Variants in NPAS3 observed in about 807,000 individuals in gnomAD.
NPAS3 encodes the protein neuronal PAS domain-containing protein 3.
In NPAS3, 14 loss-of-function variants were observed where a neutral mutation model predicts 73.1. The ratio of observed to expected loss-of-function variants is 0.19; its 90% CI spans 0.13 to 0.30. The LOEUF (loss-of-function observed/expected upper bound fraction) is 0.30. Ranked by LOEUF, NPAS3 falls within the 10% of genes least tolerant of loss-of-function variation. The pLI is 1.00. For missense variants in NPAS3, 1,096 were observed against 1,250.0 expected, an observed-to-expected ratio of 0.88 and a Z score of 1.86; for synonymous variants, 620 against 541.5, an observed-to-expected ratio of 1.14 and a Z score of -2.01.
At chr14:32,992,368 G>A (rs1271836865) in intron 1 of NPAS3, among the ~76,000 whole-genome samples, 1 of 152,186 alleles carries the variant, frequency 6.6e-6, no homozygotes. Context: ...TTTCTGTTCC[G>A]ATATGTTCTA....
intron 5 of NPAS3, among the ~76,000 whole-genome samples, chr14:33,659,769 A>T (rs970360260): frequency 4.6e-5 from 7 of 152,176 alleles, no homozygotes; most frequent in African/African-American, 1.7e-4. Flanking sequence ...ATAATGACTC[A>T]TTAGTGACTT....
intron 3 of NPAS3, among the ~76,000 whole-genome samples, chr14:33,297,601 TAAA>T (rs1412864210): frequency 6.6e-6 from 1 of 152,134 alleles, no homozygotes; most frequent in African/African-American, 2.4e-5. Context: ...AAATATAAAA[TAAA>T]AAATAAATGC....
At chr14:33,626,511 A>G (rs1261196340) in intron 5 of NPAS3, among the ~76,000 whole-genome samples, 2 of 152,326 alleles carry the variant, frequency 1.3e-5, no homozygotes, top group East Asian at 3.9e-4. Flanking sequence ...CAGGGTGATT[A>G]TGAAACGTAG....
intron 4 of NPAS3, among the ~76,000 whole-genome samples, chr14:33,515,755 G>A (rs978957208): frequency 6.6e-6 from 1 of 152,010 alleles, no homozygotes; most frequent in African/African-American, 2.4e-5. Context: ...CTGCTTGTAA[G>A]CCCCTTCTAG....
At chr14:33,104,096 G>T (rs1566564178) in intron 2 of NPAS3, among the ~76,000 whole-genome samples, 5 of 152,062 alleles carry the variant, frequency 3.3e-5, no homozygotes, top group Admixed American at 3.3e-4. Context: ...AATCTGTATG[G>T]GTATCAGCTA....
At chr14:33,662,194 G>A (rs1016549861) in intron 5 of NPAS3, among the ~76,000 whole-genome samples, 10 of 152,324 alleles carry the variant, frequency 6.6e-5, no homozygotes, top group East Asian at 5.8e-4. Flanking sequence ...ATGGAAATGC[G>A]CAGCTAGACA....
intron 6 of NPAS3, among the ~76,000 whole-genome samples, chr14:33,683,123 A>AAATTAATACAGTGATAT (rs1321687495): frequency 5.3e-5 from 8 of 152,158 alleles, no homozygotes; most frequent in African/African-American, 1.9e-4. Context: ...GCTTTTATAT[A>AAATTAATACAGTGATAT]AATTAATACA....
chr14:33,351,101 T>C (rs1056551742), intron 3 of NPAS3, among the ~76,000 whole-genome samples: 2 of 152,236 alleles, frequency 1.3e-5, no homozygotes, highest in African/African-American at 2.4e-5. Context: ...TAAAAGCCTC[T>C]GGTCAAAATG....
chr14:33,355,710 C>A (rs2045308767), intron 3 of NPAS3, among the ~76,000 whole-genome samples: 1 of 152,158 alleles, frequency 6.6e-6, no homozygotes. Flanking sequence ...ATCTCAGGGC[C>A]TTTATATCTT....
intron 1 of NPAS3, among the ~76,000 whole-genome samples, chr14:33,021,212 A>AATC (rs1416240489): frequency 6.6e-6 from 1 of 152,174 alleles, no homozygotes; most frequent in Non-Finnish European, 1.5e-5. Context: ...TCATCATCAT[A>AATC]ATCATCATCA....
At chr14:33,668,107 A>G (rs995285368) in intron 5 of NPAS3, among the ~76,000 whole-genome samples, 2 of 152,200 alleles carry the variant, frequency 1.3e-5, no homozygotes, top group African/African-American at 2.4e-5. Flanking sequence ...TCCAATCCGA[A>G]CAAGATCCTC....
intron 7 of NPAS3, among the ~76,000 whole-genome samples, chr14:33,753,032 C>T (rs913813768): frequency 3.9e-5 from 6 of 152,160 alleles, no homozygotes; most frequent in African/African-American, 1.4e-4. Flanking sequence ...CAAATTCTGC[C>T]TGCCTCTCAA....
intron 2 of NPAS3, among the ~76,000 whole-genome samples, chr14:33,166,072 A>G (rs1038553019): frequency 6.6e-6 from 1 of 152,142 alleles, no homozygotes; most frequent in African/African-American, 2.4e-5. Flanking sequence ...ATGTGCTTCC[A>G]CTACTGTCGG....
intron 4 of NPAS3, among the ~76,000 whole-genome samples, chr14:33,547,272 C>A (rs1018880971): frequency 1.3e-5 from 2 of 152,238 alleles, no homozygotes; most frequent in African/African-American, 4.8e-5. Context: ...TAAAGCACAA[C>A]CCCCAAGCAA....
intron 4 of NPAS3, among the ~76,000 whole-genome samples, chr14:33,377,441 A>AT (rs2046357660): frequency 6.6e-6 from 1 of 152,232 alleles, no homozygotes; most frequent in Admixed American, 6.5e-5. Context: ...GCTATAAATT[A>AT]TGCTGGTGAA....
At chr14:33,756,435 G>C (rs908098055) in intron 7 of NPAS3, among the ~76,000 whole-genome samples, 1 of 152,194 alleles carries the variant, frequency 6.6e-6, no homozygotes, top group Non-Finnish European at 1.5e-5. Context: ...GTAAAAGGGA[G>C]AACCAGACAG....
At chr14:33,778,356 C>A in intron 8 of NPAS3, 110 bp from the exon 9 acceptor site, 1 of 726,594 alleles carries the variant, frequency 1.4e-6, no homozygotes, top group Non-Finnish European at 2.3e-6. Context: ...CACCTCCTCA[C>A]GGGTACAGTA....
chr14:33,275,446 C>CTAAAA (rs2041286272), intron 3 of NPAS3, among the ~76,000 whole-genome samples: 1 of 152,172 alleles, frequency 6.6e-6, no homozygotes, highest in Non-Finnish European at 1.5e-5. Flanking sequence ...TAAAATGTAG[C>CTAAAA]CCACCACTTT....
At chr14:33,582,981 T>TTTTTTTTTTTG (rs1314077048) in intron 5 of NPAS3, among the ~76,000 whole-genome samples, 1 of 148,324 alleles carries the variant, frequency 6.7e-6, no homozygotes, top group Admixed American at 6.7e-5. Flanking sequence ...TTTTTTTTTT[T>TTTTTTTTTTTG]TTTTTGGCTA....
Sources: allele counts gnomAD v4.1 joint callset (sites outside exome capture counted in the v4.1 genomes callset), GRCh38; gene constraint gnomAD v4.1.1; transcripts MANE v1.5; gene names NCBI Gene and HGNC (gene_info 2026-07-23, HGNC 2026-07-21).